Variants in RAB38 observed in about 807,000 individuals in gnomAD.
The protein encoded by RAB38 is RAB38, member RAS oncogene family.
A neutral mutation model predicts 18.4 loss-of-function variants in RAB38; 15 were observed. The observed-to-expected ratio is 0.82, with a 90% confidence interval of 0.55 to 1.26. The LOEUF is 1.26. Ranked by LOEUF, RAB38 falls within the 50% of genes most tolerant of loss-of-function variation. The pLI, the probability that RAB38 is intolerant of heterozygous loss-of-function variation, is 0.00. For synonymous variants in RAB38, 101 were observed against 104.4 expected (o/e 0.97, Z 0.20); for missense variants, 294 against 267.4 (o/e 1.10, Z -0.69).
At chr11:87,850,597 C>T in the RAB38 span, among the ~76,000 whole-genome samples, 14 of 151,908 alleles carry the variant, frequency 9.2e-5, no homozygotes, top group African/African-American at 3.4e-4. Flanking sequence ...CTTTATGTTG[C>T]TACTCAATAT....
chr11:88,126,648 T>C (rs1027288094), intron 2 of RAB38, among the ~76,000 whole-genome samples: 8 of 151,878 alleles, frequency 5.3e-5, no homozygotes, highest in Non-Finnish European at 1.0e-4. Context: ...CATGTATACA[T>C]ATGCAACAAA....
At chr11:87,839,148 T>C in the RAB38 span, among the ~76,000 whole-genome samples, 1 of 152,208 alleles carries the variant, frequency 6.6e-6, no homozygotes, top group African/African-American at 2.4e-5. Flanking sequence ...TACATTTTGC[T>C]GTTAGAAAGT....
chr11:87,894,805 C>G, the RAB38 span, among the ~76,000 whole-genome samples: 13,728 of 149,978 alleles, frequency 0.092, 935 homozygotes, highest in Admixed American at 0.22. Flanking sequence ...ATATATGAAA[C>G]TAACATACCA....
chr11:87,876,259 A>C, the RAB38 span, among the ~76,000 whole-genome samples: 1 of 151,598 alleles, frequency 6.6e-6, no homozygotes, highest in East Asian at 2.0e-4. Context: ...ATGACTGAAC[A>C]AAGTGGGTCT....
chr11:88,076,968 AAAAAAAAGAAAG>A, the RAB38 span, among the ~76,000 whole-genome samples: 481 of 101,642 alleles, frequency 4.7e-3, 40 homozygotes, highest in African/African-American at 0.013. Flanking sequence ...AAAAAAAAAA[AAAAAAAAGAAAG>A]AAAGAAAGAA....
the RAB38 span, among the ~76,000 whole-genome samples, chr11:87,958,517 G>A: frequency 2.4e-4 from 36 of 152,024 alleles, no homozygotes; most frequent in African/African-American, 8.0e-4. Flanking sequence ...CCCAGGAAGC[G>A]AGGCTCTTAG....
intron 2 of RAB38, among the ~76,000 whole-genome samples, chr11:88,121,892 A>G (rs1474694983): frequency 1.3e-5 from 2 of 152,190 alleles, no homozygotes; most frequent in African/African-American, 2.4e-5. Flanking sequence ...ACTGCTCCCT[A>G]TAAATGTCTA....
the RAB38 span, among the ~76,000 whole-genome samples, chr11:88,072,808 A>G: frequency 2.0e-5 from 3 of 151,482 alleles, no homozygotes; most frequent in Non-Finnish European, 4.4e-5. Flanking sequence ...AAAAAGTAGA[A>G]AAAAAAAAGA....
chr11:88,136,286 G>A (rs557797499), intron 2 of RAB38, among the ~76,000 whole-genome samples: 2 of 152,150 alleles, frequency 1.3e-5, no homozygotes, highest in East Asian at 1.9e-4. Flanking sequence ...TCAATACCTC[G>A]GTAGCAGTGA....
chr11:88,076,358 C>T, the RAB38 span, among the ~76,000 whole-genome samples: 15 of 152,026 alleles, frequency 9.9e-5, no homozygotes. Context: ...CCTCTAAGAC[C>T]TGAAACAAGA....
the RAB38 span, among the ~76,000 whole-genome samples, chr11:87,900,562 C>T: frequency 6.6e-6 from 1 of 151,554 alleles, no homozygotes; most frequent in East Asian, 2.0e-4. Flanking sequence ...CCCAAGTTTA[C>T]CTCCCAACTG....
the RAB38 span, among the ~76,000 whole-genome samples, chr11:88,079,492 G>A: frequency 5.3e-5 from 8 of 151,654 alleles, no homozygotes; most frequent in Non-Finnish European, 1.0e-4. Flanking sequence ...CAAAATTTTA[G>A]TACCAATTGT....
the RAB38 span, among the ~76,000 whole-genome samples, chr11:87,933,626 C>A: frequency 6.6e-6 from 1 of 151,810 alleles, no homozygotes; most frequent in South Asian, 2.1e-4. Context: ...GAGGAAACAG[C>A]CAAGAGGTGG....
chr11:87,933,245 A>C, the RAB38 span, among the ~76,000 whole-genome samples: 1 of 152,158 alleles, frequency 6.6e-6, no homozygotes, highest in Non-Finnish European at 1.5e-5. Flanking sequence ...CAGAAATAAC[A>C]TATAGTGGGC....
chr11:87,975,526 C>G, the RAB38 span, among the ~76,000 whole-genome samples: 2 of 151,734 alleles, frequency 1.3e-5, no homozygotes, highest in African/African-American at 4.8e-5. Context: ...GGTAAATATA[C>G]GGGTAATTAT....
At chr11:87,849,795 A>G in the RAB38 span, among the ~76,000 whole-genome samples, 64 of 152,294 alleles carry the variant, frequency 4.2e-4, 2 homozygotes, top group South Asian at 0.013. Context: ...ACTTGCAAAC[A>G]AAATTTAACC....
chr11:87,941,000 A>G, the RAB38 span, among the ~76,000 whole-genome samples: 84 of 151,558 alleles, frequency 5.5e-4, no homozygotes, highest in African/African-American at 2.0e-3. Flanking sequence ...TGATCAGCAG[A>G]TATTTCTTTA....
chr11:87,904,129 A>G, the RAB38 span, among the ~76,000 whole-genome samples: 1 of 151,592 alleles, frequency 6.6e-6, no homozygotes, highest in Non-Finnish European at 1.5e-5. Flanking sequence ...TTCAGGAGGT[A>G]CACATGCCAG....
chr11:88,140,666 C>T (rs1221741747), intron 2 of RAB38, among the ~76,000 whole-genome samples: 1 of 152,106 alleles, frequency 6.6e-6, no homozygotes, highest in African/African-American at 2.4e-5. Flanking sequence ...AGGCACGTTC[C>T]AGGCAGGGGA....
Sources: gnomAD v4.1 joint callset for allele counts (sites outside exome capture counted in the v4.1 genomes callset) on GRCh38, gnomAD v4.1.1 for gene constraint, MANE v1.5 for transcripts, NCBI Gene and HGNC (gene_info 2026-07-23, HGNC 2026-07-21) for gene names.